CCDC125: variants seen among roughly 807,000 people sequenced by gnomAD.
CCDC125 encodes coiled-coil domain-containing protein 125.
Under a neutral mutation model 57.4 loss-of-function variants are expected in CCDC125, and 43 were observed. The ratio of observed to expected loss-of-function variants is 0.75; its 90% CI spans 0.59 to 0.97. The LOEUF (loss-of-function observed/expected upper bound fraction) is 0.97. Among genes scored for constraint, CCDC125 ranks in the 50% least tolerant of loss-of-function variants. The pLI, the probability that CCDC125 is intolerant of heterozygous loss-of-function variation, is 0.00. For synonymous variants in CCDC125, 187 were observed against 195.2 expected (o/e 0.96, Z 0.35); for missense variants, 563 against 595.7 (o/e 0.95, Z 0.57).
At chr5:69,301,452 C>T (rs1207998725) in intron 7 of CCDC125, among the ~76,000 whole-genome samples, 1 of 151,872 alleles carries the variant, frequency 6.6e-6, no homozygotes, top group African/African-American at 2.4e-5. Flanking sequence ...AAGTGAGTCA[C>T]CCCCATGTCT....
In CCDC125 at chr5:69,285,339, A is replaced by C. The variant is rs142352803; in HGVS notation, c.1228T>G (p.Leu410Val). ...PQEVLKMLID[L>V]LNDKEEALAH... is the part of the protein sequence containing the mutation. Reference sequence around the variant, plus strand: ...CAAAAAAAAGCAAAGACACTAACCAAATCTATGAGCATCTTAAGGACCTCT... The same window carrying C: ...CAAAAAAAAGCAAAGACACTAACCACATCTATGAGCATCTTAAGGACCTCT... Residue 410 changes from leucine (L) to valine (V), a missense_variant and splice_region_variant, in exon 11 of 12, where the codon TTG (leucine) becomes GTG (valine). By Grantham distance (32) the Leu-to-Val change is conservative. Transcript: ENST00000396496. The C allele has an allele frequency of 1.2e-6, 2 of 1,608,940 alleles. No homozygotes were observed. Among genetic ancestry groups the C allele is most frequent in the African/African-American group, 2.7e-5 (2 of 74,580 alleles).
At chr5:69,290,284 T>C (rs1380045361) in intron 10 of CCDC125, among the ~76,000 whole-genome samples, 4 of 150,216 alleles carry the variant, frequency 2.7e-5, no homozygotes, top group African/African-American at 9.9e-5. Flanking sequence ...TTTCATTTTA[T>C]TATTATTATT....
intron 2 of CCDC125, among the ~76,000 whole-genome samples, chr5:69,318,809 C>T (rs564322777): frequency 6.6e-6 from 1 of 151,778 alleles, no homozygotes; most frequent in South Asian, 2.1e-4. Flanking sequence ...AAAAAAATGT[C>T]ACCTCCTTAC....
chr5:69,331,850 T>A (rs1347569087), intron 1 of CCDC125, among the ~76,000 whole-genome samples: 1 of 152,222 alleles, frequency 6.6e-6, no homozygotes, highest in East Asian at 1.9e-4. Context: ...TTCTTCCACA[T>A]CTGAGTCTTC....
chr5:69,296,798 A>G (rs1755391748), intron 8 of CCDC125, among the ~76,000 whole-genome samples: 1 of 151,360 alleles, frequency 6.6e-6, no homozygotes, highest in Non-Finnish European at 1.5e-5. Context: ...ACCTGTCTCT[A>G]CTAAAAAATA....
chr5:69,290,302 C>CTATTAT (rs894103809), intron 10 of CCDC125, among the ~76,000 whole-genome samples: 1 of 149,036 alleles, frequency 6.7e-6, no homozygotes, highest in African/African-American at 2.5e-5. Flanking sequence ...ATTATTATTA[C>CTATTAT]TATTATTATT....
At chr5:69,288,239 G>A (rs1006966549) in intron 10 of CCDC125, among the ~76,000 whole-genome samples, 1 of 152,070 alleles carries the variant, frequency 6.6e-6, no homozygotes, top group East Asian at 1.9e-4. Context: ...TTCTAATGAG[G>A]CTCTTGATGG....
At chr5:69,324,618 A>G (rs961897115) in intron 1 of CCDC125, among the ~76,000 whole-genome samples, 1 of 152,248 alleles carries the variant, frequency 6.6e-6, no homozygotes, top group Admixed American at 6.5e-5. Flanking sequence ...ACAACAGAAT[A>G]TATTTGTCAG....
In CCDC125 at chr5:69,285,431, T is replaced by C; in HGVS notation, c.1136A>G (p.Gln379Arg). The change falls in exon 11 of 12, where the codon CAG (glutamine) becomes CGG (arginine). Residue 379 changes from glutamine (Q) to arginine (R), a missense_variant. Transcript: ENST00000396496. ...PSPRSKKTFG[Q>R]RLLGMLPSEN... ...TGAAGGGAGCATACCCAACAGTCTC[T>C]GCCCGAAGGTCTTCTTACTCCTTGG... 6.2e-7 allele frequency: 1 copy of C among 1,608,276 alleles called. No individual in the cohort carries two copies. The highest frequency in any genetic ancestry group is 1.3e-5 in the African/African-American group (1 of 74,690).
intron 8 of CCDC125, among the ~76,000 whole-genome samples, chr5:69,297,760 T>A (rs1279148309): frequency 6.6e-6 from 1 of 151,040 alleles, no homozygotes; most frequent in Non-Finnish European, 1.5e-5. Flanking sequence ...GCCCAGGAGT[T>A]CAAGACCAGC....
intron 3 of CCDC125, chr5:69,313,308 C>T (rs1487231369): frequency 2.7e-6 from 2 of 747,414 alleles, no homozygotes; most frequent in Non-Finnish European, 4.5e-6. Context: ...AAGGGGGCAG[C>T]CTGCAACCCC....
downstream of CCDC125, among the ~76,000 whole-genome samples, chr5:69,279,206 T>G (rs1246480070): frequency 6.7e-6 from 1 of 150,232 alleles, no homozygotes; most frequent in Non-Finnish European, 1.5e-5. Flanking sequence ...TTGTTTTTTT[T>G]TTTTTTTTGG....
intron 10 of CCDC125, among the ~76,000 whole-genome samples, chr5:69,290,267 A>G (rs1754180254): frequency 6.6e-6 from 1 of 151,494 alleles, no homozygotes; most frequent in African/African-American, 2.4e-5. Context: ...GCTATCTACT[A>G]TAAAGCTTTC....
rs370091238 is a variant in CCDC125, at chr5:69,282,688, G to C, written c.*41C>G. ...ACAAAATCATTTTTCAAAGTATCTC[G>C]ATATAAACAACTCTCAGTTCCAATT... On this transcript the variant is annotated 3_prime_UTR_variant, in exon 12 of 12. Coordinates refer to ENST00000396496, the MANE Select transcript of CCDC125 (RefSeq NM_176816.5). 6.8e-6 allele frequency: 10 copies of C among 1,460,256 alleles called. No individual in the cohort carries two copies. Among genetic ancestry groups the C allele is most frequent in the Non-Finnish European group, 9.2e-6 (10 of 1,084,674 alleles). 90.5% of individuals were successfully genotyped at this position (1,460,256 alleles called of 1,614,324 possible).
At chr5:69,325,090 A>C (rs1055755875) in intron 1 of CCDC125, among the ~76,000 whole-genome samples, 2 of 152,082 alleles carry the variant, frequency 1.3e-5, no homozygotes, top group Non-Finnish European at 2.9e-5. Flanking sequence ...TTGGGAAGCC[A>C]AGGTGGGCGG....
chr5:69,310,685 C>T lies in CCDC125; in HGVS notation c.453+433G>A, dbSNP rs575354604. 1.2e-4 allele frequency: 19 copies of T among 155,294 alleles called. 1 individual carries two copies. The highest frequency in any genetic ancestry group is 9.8e-4 in the South Asian group (5 of 5,126). The allele number at this position is 155,294 out of a possible 1,614,324, so 9.6% of individuals were successfully genotyped here. On this transcript the variant is annotated intron_variant, in intron 4 of 11. Transcript: ENST00000396496. ...AGGAAGAAAGTACTGATACACGCTA[C>T]GACATGTATGAACCTCTAAAACATG... is the stretch of plus-strand genomic sequence containing the variant.
Position 69,282,907 on chromosome 5 carries a change from G to A in CCDC125, c.1358C>T (p.Pro453Leu). Residue 453 changes from proline to leucine, a missense_variant, in exon 12 of 12, where the codon CCT becomes CTT. Coordinates refer to ENST00000396496, the MANE Select transcript of CCDC125 (RefSeq NM_176816.5). ...KEKNPIKENFPFNNPWRKTSE... is the reference protein window; with the variant it reads ...KEKNPIKENFLFNNPWRKTSE... ...AGTCTTACGCCAGGGGTTGTTGAAA[G>A]GGAAATTCTCTTTTATAGGATTTTT... The A allele has an allele frequency of 1.9e-6, 3 of 1,614,090 alleles. No homozygotes were observed. Among genetic ancestry groups the A allele is most frequent in the Non-Finnish European group, 2.5e-6 (3 of 1,180,010 alleles).
chr5:69,306,822 A>C lies in CCDC125; in HGVS notation c.612T>G (p.Tyr204Ter), dbSNP rs763122284. The change falls in exon 6 of 12, where the codon TAT (tyrosine) becomes TAG (stop). Residue 204 changes from tyrosine (Y) to a stop codon, truncating the protein, a stop_gained. Transcript: ENST00000396496. LOFTEE classifies it high-confidence loss of function. ...TAATGGAGTAATATACAAACCTGTC[A>C]TATTTTTGGATCCAAGATTCCTCTA... is the stretch of plus-strand genomic sequence containing the variant. ...KNIEESWIQK[Y>*]DRLNCENAVL... 9 of 1,493,382 alleles carry C rather than the reference A, an allele frequency of 6.0e-6. No homozygotes were observed. In the East Asian group the frequency reaches 2.3e-4, roughly 37 times the overall value. The allele number at this position is 1,493,382 out of a possible 1,614,324, so 92.5% of individuals were successfully genotyped here.
At chr5:69,298,607 C>CA (rs1360550924) in intron 8 of CCDC125, among the ~76,000 whole-genome samples, 1 of 152,156 alleles carries the variant, frequency 6.6e-6, no homozygotes, top group Non-Finnish European at 1.5e-5. Flanking sequence ...ATATCAATCA[C>CA]AACGGGTTGC....
Sources: allele counts gnomAD v4.1 joint callset (sites outside exome capture counted in the v4.1 genomes callset), GRCh38; gene constraint gnomAD v4.1.1; transcripts MANE v1.5; gene names NCBI Gene and HGNC (gene_info 2026-07-23, HGNC 2026-07-21).